C1orf94: variants seen among roughly 807,000 people sequenced by gnomAD.
C1orf94 encodes the protein uncharacterized protein C1orf94.
Under a neutral mutation model 53.6 loss-of-function variants are expected in C1orf94, and 45 were observed. The ratio of observed to expected loss-of-function variants is 0.84; its 90% CI spans 0.66 to 1.08. C1orf94 has a LOEUF of 1.08. Among genes scored for constraint, C1orf94 ranks in the 50% least tolerant of loss-of-function variants. The pLI is 0.00. For synonymous variants in C1orf94, 304 were observed against 296.1 expected (o/e 1.03, Z -0.27); for missense variants, 762 against 738.9 (o/e 1.03, Z -0.36).
chr1:34,197,518 C>G lies in C1orf94; in HGVS notation c.614C>G (p.Ser205Cys). The G allele has an allele frequency of 6.2e-7, 1 of 1,614,166 alleles. No homozygotes were observed. ...SSRQDCDSAT[S>C]TVTDILCAAE... ...AGGCAGGACTGTGATTCTGCCACTT[C>G]TACTGTCACAGACATTCTGTGTGCC... The change falls in exon 2 of 7, where the codon TCT (serine) becomes TGT (cysteine). Residue 205 changes from serine (S) to cysteine (C), a missense_variant. Ser to Cys is a moderately radical substitution (Grantham distance 112, BLOSUM62 -1). Transcript: ENST00000488417. This position sits in a 1 kb window ranked among gnomAD's most constrained non-coding sequence, Gnocchi z 4.1.
chr1:34,177,310 G>A lies in C1orf94; in HGVS notation c.-480G>A, dbSNP rs1399778236. ...ACGCCCAGGCGAGCGCCTCCTGCGG[G>A]GCCCCGCCCCCCGAGTGCCTACAAT... On this transcript the variant is annotated 5_prime_UTR_variant, in exon 1 of 7. Transcript: ENST00000488417. Among the ~76,000 whole-genome samples, 1 of 152,064 alleles carries A rather than the reference G, an allele frequency of 6.6e-6. No individual in the cohort carries two copies. Among genetic ancestry groups the A allele is most frequent in the South Asian group, 2.1e-4 (1 of 4,830 alleles).
chr1:34,200,864 G>A lies in C1orf94; in HGVS notation c.1102G>A (p.Glu368Lys). Residue 368 changes from glutamate to lysine, a missense_variant, in exon 3 of 7, where the codon GAG becomes AAG. Transcript: ENST00000488417. Reference protein sequence around the residue: ...PQSQKDACGEEGCCDAVGTAS... With the variant: ...PQSQKDACGEKGCCDAVGTAS... ...GAGCCAGAAGGACGCCTGTGGTGAG[G>A]AGGGTTGCTGTGACGCAGTGGGCAC... The A allele has an allele frequency of 6.2e-7, 1 of 1,614,184 alleles. No homozygotes were observed. The highest frequency in any genetic ancestry group is 8.5e-7 in the Non-Finnish European group (1 of 1,180,030).
intron 4 of C1orf94, 141 bp downstream of exon 4, chr1:34,202,400 G>T (rs2148619560): frequency 1.1e-6 from 1 of 899,478 alleles, no homozygotes; most frequent in East Asian, 2.7e-5. Context: ...CTTCGCTGGG[G>T]CTATGGAAGG....
rs555831898 is a variant in C1orf94, at chr1:34,194,505, TGTGC to T, written c.321-2716_321-2713del. On this transcript the variant is annotated intron_variant, in intron 1 of 6. Transcript: ENST00000488417. ...GGGCTTCTAGAAGCTACTTTGAGTA[TGTGC>T]GTGTAATATTTGTATAAAATAAAGC... 1.5e-3 allele frequency among the ~76,000 whole-genome samples: 221 copies of T among 152,312 alleles called. 1 individual carries two copies. The highest frequency in any genetic ancestry group is 5.1e-3 in the African/African-American group (212 of 41,566).
intron 4 of C1orf94, among the ~76,000 whole-genome samples, chr1:34,205,145 C>T (rs764328765): frequency 7.2e-5 from 11 of 152,160 alleles, no homozygotes; most frequent in African/African-American, 9.7e-5. Flanking sequence ...CTGAGCATGA[C>T]GGTCCTCTGT....
rs1643038807 is a variant in C1orf94, at chr1:34,218,971, ACACATG to A, written c.*211_*216del. 3 of 100,112 alleles carry A rather than the reference ACACATG, an allele frequency of 3.0e-5. No homozygotes were observed. The highest frequency in any genetic ancestry group is 3.8e-5 in the African/African-American group (1 of 26,460). 6.2% of individuals were successfully genotyped at this position (100,112 alleles called of 1,614,324 possible). ...TGGCACAAGCTACACACACACACAC[ACACATG>A]ACCCTCATATTCATACTTGCTTGCT... is the stretch of plus-strand genomic sequence containing the variant. On this transcript the variant is annotated 3_prime_UTR_variant, in exon 7 of 7. Transcript: ENST00000488417.
chr1:34,183,238 G>C (rs1186829065), intron 1 of C1orf94, among the ~76,000 whole-genome samples: 1 of 152,212 alleles, frequency 6.6e-6, no homozygotes, highest in African/African-American at 2.4e-5. Context: ...TTATCTTTTA[G>C]TTAGTCTTAA....
At chr1:34,201,670 G>A (rs563976406) in intron 3 of C1orf94, among the ~76,000 whole-genome samples, 2 of 152,334 alleles carry the variant, frequency 1.3e-5, no homozygotes, top group African/African-American at 4.8e-5. Context: ...TTAGGGAGGG[G>A]CTGCTTTAAT....
At chr1:34,194,759 G>A (rs757439896) in intron 1 of C1orf94, among the ~76,000 whole-genome samples, 2 of 152,100 alleles carry the variant, frequency 1.3e-5, no homozygotes, top group Non-Finnish European at 2.9e-5. Flanking sequence ...GTTGTTGTTA[G>A]GCATAACCAC....
At chr1:34,214,630 G>A (rs1410357933) in intron 6 of C1orf94, among the ~76,000 whole-genome samples, 1 of 152,332 alleles carries the variant, frequency 6.6e-6, no homozygotes, top group East Asian at 1.9e-4. Flanking sequence ...GTCTGGGAGG[G>A]AGGGTGGTCT....
At chr1:34,184,825 T>G (rs1273812343) in intron 1 of C1orf94, among the ~76,000 whole-genome samples, 1 of 151,602 alleles carries the variant, frequency 6.6e-6, no homozygotes, top group Non-Finnish European at 1.5e-5. Flanking sequence ...GCCTCTTTTG[T>G]TTTTTTTGGT....
chr1:34,203,088 T>A (rs1642738284), intron 4 of C1orf94, among the ~76,000 whole-genome samples: 1 of 152,138 alleles, frequency 6.6e-6, no homozygotes. Flanking sequence ...TATCAGGCAC[T>A]TGAACATCTT....
intron 1 of C1orf94, among the ~76,000 whole-genome samples, chr1:34,196,828 T>C (rs1308090367): frequency 1.3e-5 from 2 of 152,190 alleles, no homozygotes; most frequent in Admixed American, 1.3e-4. Flanking sequence ...CTTAGAGCTG[T>C]TGGCTTGCTC....
intron 1 of C1orf94, 85 bp downstream of exon 1, chr1:34,178,194 T>C (rs1243015214): frequency 4.2e-5 from 58 of 1,389,552 alleles, no homozygotes; most frequent in Non-Finnish European, 5.0e-5. Context: ...TGGCCCACTG[T>C]TGAGGCTGGT....
chr1:34,186,494 C>G (rs1018291110), intron 1 of C1orf94, among the ~76,000 whole-genome samples: 1 of 152,170 alleles, frequency 6.6e-6, no homozygotes, highest in African/African-American at 2.4e-5. Flanking sequence ...GGAAACTGCT[C>G]AACTGATAAC....
intron 4 of C1orf94, among the ~76,000 whole-genome samples, chr1:34,204,097 G>A (rs116734555): frequency 6.6e-6 from 1 of 152,162 alleles, no homozygotes; most frequent in African/African-American, 2.4e-5. Flanking sequence ...AAGCAAAGAA[G>A]GAAATACTTC....
At chr1:34,185,702 T>C (rs1642374962) in intron 1 of C1orf94, among the ~76,000 whole-genome samples, 1 of 152,200 alleles carries the variant, frequency 6.6e-6, no homozygotes, top group African/African-American at 2.4e-5. Context: ...CTCTTCTCAC[T>C]GCATTGGGTG....
At chr1:34,167,906 C>G (rs975858085) in intron 1 of C1orf94, among the ~76,000 whole-genome samples, 1 of 152,304 alleles carries the variant, frequency 6.6e-6, no homozygotes, top group South Asian at 2.1e-4. Flanking sequence ...GATTCATTTA[C>G]TCAACAAATA....
Position 34,200,830 on chromosome 1 carries a change from G to C in C1orf94, c.1068G>C (p.Gln356His). Reference sequence around the variant, plus strand: ...GTCAAGGGAGCCTCTTTCTCAGCCAGTGGCCCCAGAGCCAGAAGGACGCCT... The same window carrying C: ...GTCAAGGGAGCCTCTTTCTCAGCCACTGGCCCCAGAGCCAGAAGGACGCCT... ...KKGQGSLFLS[Q>H]WPQSQKDACG... Residue 356 changes from glutamine to histidine, a missense_variant, in exon 3 of 7, where the codon CAG becomes CAC. Physicochemically the swap from Gln to His is conservative, Grantham distance 24. Coordinates refer to ENST00000488417, the MANE Select transcript of C1orf94 (RefSeq NM_001134734.2). 3 of 1,614,208 alleles carry C rather than the reference G, an allele frequency of 1.9e-6. No individual in the cohort carries two copies. The highest frequency in any genetic ancestry group is 2.5e-6 in the Non-Finnish European group (3 of 1,180,028).
Sources: gnomAD v4.1 joint callset for allele counts (sites outside exome capture counted in the v4.1 genomes callset) on GRCh38, gnomAD v4.1.1 for gene constraint, Gnocchi (gnomAD v3.1) non-coding constraint, MANE v1.5 for transcripts, NCBI Gene and HGNC (gene_info 2026-07-23, HGNC 2026-07-21) for gene names.